AVEN: variants seen among roughly 807,000 people sequenced by gnomAD.
The protein encoded by AVEN is apoptosis and caspase activation inhibitor.
AVEN carries 41 observed loss-of-function variants against 38.1 expected under a neutral mutation model. The observed-to-expected ratio is 1.08, with a 90% CI of 0.84 to 1.40. The LOEUF (loss-of-function observed/expected upper bound fraction) is 1.40, where lower values mean the gene tolerates loss of function less well. Ranked by LOEUF, AVEN falls within the 40% of genes most tolerant of loss-of-function variation. AVEN has a pLI of 0.00. For missense variants in AVEN, 605 were observed against 438.8 expected (o/e 1.38, Z -3.38); for synonymous variants, 206 against 171.8 (o/e 1.20, Z -1.56).
chr15:33,871,629 G>A (rs1263444301), intron 3 of AVEN, among the ~76,000 whole-genome samples: 1 of 152,088 alleles, frequency 6.6e-6, no homozygotes, highest in East Asian at 1.9e-4. Context: ...TGACTGACAA[G>A]CTGAAAGAAA....
rs563093134 is a variant in AVEN at position 33,879,354 on chromosome 15, A to C, written c.446-3359T>G. On this transcript the variant is annotated intron_variant, in intron 2 of 5. Coordinates refer to ENST00000306730, the MANE Select transcript of AVEN (RefSeq NM_020371.3). ...ACTCATAGATGGGAACTGAACAATGAGAACACATGGACACAGGAAGGGGAA... is the reference window on the plus strand; with the variant it reads ...ACTCATAGATGGGAACTGAACAATGCGAACACATGGACACAGGAAGGGGAA... 3.2e-3 allele frequency among the ~76,000 whole-genome samples: 451 copies of C among 139,008 alleles called. 4 individuals are homozygous for C. Among genetic ancestry groups the C allele is most frequent in the Middle Eastern group, 0.031 (8 of 260 alleles). 91.2% of individuals were successfully genotyped at this position (139,008 alleles called of 152,430 possible).
chr15:33,958,272 G>T (rs79557470), intron 2 of AVEN, among the ~76,000 whole-genome samples: 2 of 152,020 alleles, frequency 1.3e-5, no homozygotes, highest in African/African-American at 2.4e-5. Flanking sequence ...TCACCTAGAC[G>T]CTTGAATAAT....
intron 11 of AVEN, chr15:33,859,789 C>A (rs2080133785): frequency 2.0e-6 from 3 of 1,510,940 alleles, no homozygotes; most frequent in South Asian, 2.4e-5. Context: ...TTTTTGCTTT[C>A]TTCCATCTAT....
intron 2 of AVEN, among the ~76,000 whole-genome samples, chr15:33,933,441 A>T (rs1001298407): frequency 4.6e-5 from 7 of 151,390 alleles, no homozygotes; most frequent in African/African-American, 1.7e-4. Context: ...CTATGGAAAC[A>T]CTCCAATTGA....
chr15:33,896,572 A>G (rs1273181760), intron 2 of AVEN, among the ~76,000 whole-genome samples: 1 of 152,156 alleles, frequency 6.6e-6, no homozygotes, highest in Non-Finnish European at 1.5e-5. Flanking sequence ...AACAATATCC[A>G]TGGTCTAAGC....
chr15:33,852,826 C>CTA, the AVEN span: 1 of 473,098 alleles, frequency 2.1e-6, no homozygotes, highest in Non-Finnish European at 3.8e-6. Context: ...GCCCAGTGGC[C>CTA]TTCTGAGTGT....
chr15:33,908,812 G>A lies in AVEN; in HGVS notation c.446-32817C>T, dbSNP rs372212346. Among the ~76,000 whole-genome samples, 18 of 152,206 alleles carry A rather than the reference G, an allele frequency of 1.2e-4. No homozygotes were observed. The East Asian group carries it at 2.1e-3, about 18-fold the overall frequency. ...AAAAAGACAAATAATTCAGTTAATG[G>A]AGAAACTACAAGAGGGCTGGGGCTT... On this transcript the variant is annotated intron_variant, in intron 2 of 5. Coordinates refer to ENST00000306730, the MANE Select transcript of AVEN (RefSeq NM_020371.3).
intron 1 of AVEN, among the ~76,000 whole-genome samples, chr15:34,016,577 TA>T (rs1567468997): frequency 6.6e-6 from 1 of 152,140 alleles, no homozygotes; most frequent in Non-Finnish European, 1.5e-5. Flanking sequence ...CCTGAATCTT[TA>T]AAAAATATTA....
intron 2 of AVEN, among the ~76,000 whole-genome samples, chr15:33,998,318 C>T (rs1897015612): frequency 1.3e-5 from 2 of 152,078 alleles, no homozygotes; most frequent in South Asian, 4.2e-4. Flanking sequence ...AGTTATTTCT[C>T]CCACCTTTAA....
chr15:33,899,555 C>T (rs1026240394), intron 2 of AVEN, among the ~76,000 whole-genome samples: 14 of 147,862 alleles, frequency 9.5e-5, no homozygotes, highest in South Asian at 2.2e-4. Flanking sequence ...CCGCAACCTC[C>T]GCCTCCCGGG....
At chr15:33,942,068 T>TG (rs1308336935) in intron 2 of AVEN, among the ~76,000 whole-genome samples, 10 of 152,322 alleles carry the variant, frequency 6.6e-5, no homozygotes, top group African/African-American at 2.2e-4. Flanking sequence ...ACACAAATCG[T>TG]TACAGCACTT....
chr15:34,020,896 A>T (rs1358589852), intron 1 of AVEN, among the ~76,000 whole-genome samples: 1 of 152,208 alleles, frequency 6.6e-6, no homozygotes, highest in Non-Finnish European at 1.5e-5. Flanking sequence ...ACCTACCAAA[A>T]TTCTCTTCCT....
intron 3 of AVEN, among the ~76,000 whole-genome samples, chr15:33,874,601 T>C (rs1307000491): frequency 1.3e-5 from 2 of 152,226 alleles, no homozygotes; most frequent in Admixed American, 1.3e-4. Flanking sequence ...TTAGGTTGTA[T>C]TCTTTTTCAT....
At chr15:34,021,308 G>A (rs1265282714) in intron 1 of AVEN, among the ~76,000 whole-genome samples, 3 of 150,172 alleles carry the variant, frequency 2.0e-5, no homozygotes, top group South Asian at 2.1e-4. Context: ...TTTTTGAGAC[G>A]GAGTTTCACT....
intron 3 of AVEN, among the ~76,000 whole-genome samples, chr15:33,872,840 A>T (rs1241460717): frequency 6.6e-6 from 1 of 152,138 alleles, no homozygotes; most frequent in Admixed American, 6.5e-5. Context: ...AGGTATGAGA[A>T]TCCCACTTGT....
intron 2 of AVEN, among the ~76,000 whole-genome samples, chr15:33,941,645 A>G (rs1285464376): frequency 6.6e-6 from 1 of 152,242 alleles, no homozygotes; most frequent in Non-Finnish European, 1.5e-5. Flanking sequence ...AATAATTTAA[A>G]TTACCAGCAA....
chr15:33,907,003 A>G (rs1567407812), intron 2 of AVEN, among the ~76,000 whole-genome samples: 2 of 152,168 alleles, frequency 1.3e-5, no homozygotes, highest in African/African-American at 2.4e-5. Context: ...ATGTCAAACA[A>G]TGAGTGGTAG....
At chr15:33,957,496 T>G (rs1295668786) in intron 2 of AVEN, among the ~76,000 whole-genome samples, 1 of 152,170 alleles carries the variant, frequency 6.6e-6, no homozygotes, top group Non-Finnish European at 1.5e-5. Flanking sequence ...TCCTACGTAT[T>G]TACCCAAGAG....
At chr15:34,068,479 T>C (rs1900561370) in intron 2 of AVEN, among the ~76,000 whole-genome samples, 1 of 152,142 alleles carries the variant, frequency 6.6e-6, no homozygotes. Context: ...AGTGCTGAGA[T>C]TGCAGGCAGG....
Sources: gnomAD v4.1 joint callset for allele counts (sites outside exome capture counted in the v4.1 genomes callset) on GRCh38, gnomAD v4.1.1 for gene constraint, MANE v1.5 for transcripts, NCBI Gene and HGNC (gene_info 2026-07-23, HGNC 2026-07-21) for gene names.